The following CD46 variants were observed in gnomAD, a reference collection of about 807,000 sequenced individuals.
The protein encoded by CD46 is membrane cofactor protein.
In CD46, 30 loss-of-function variants were observed where a neutral mutation model predicts 53.3. That is an observed-to-expected ratio of 0.56 (90% CI 0.42 to 0.76). CD46 has a LOEUF of 0.76. Among genes scored for constraint, CD46 ranks in the 30% least tolerant of loss-of-function variants. The pLI, the probability that CD46 is intolerant of heterozygous loss-of-function variation, is 0.00. For missense variants in CD46, 409 were observed against 463.0 expected (o/e 0.88, Z 1.07); for synonymous variants, 142 against 152.0 (o/e 0.93, Z 0.48).
intron 8 of CD46, among the ~76,000 whole-genome samples, chr1:207,774,108 T>G (rs1325608365): frequency 6.6e-6 from 1 of 152,240 alleles, no homozygotes; most frequent in Non-Finnish European, 1.5e-5. Flanking sequence ...TAGCTCTTCT[T>G]GGTGAATTGA....
At position 207,757,686 on chromosome 1, in the gene CD46, T is replaced by A. The variant is rs374745930; in HGVS notation, c.389+44T>A. 24 of 1,266,196 alleles carry A rather than the reference T, an allele frequency of 1.9e-5. No individual in the cohort carries two copies. In the African/African-American group the frequency reaches 3.5e-4, roughly 19 times the overall value. 78.4% of individuals were successfully genotyped at this position (1,266,196 alleles called of 1,614,324 possible). On this transcript the variant is annotated intron_variant, in intron 3 of 12. Coordinates refer to ENST00000367042, the MANE Select transcript of CD46 (RefSeq NM_172351.3). ...GAAATAAGGGAAGTGTTAGTAATTT[T>A]ATTTTTGTTTTGCTTCTCTTCTTAA...
intron 5 of CD46, 79 bp from the exon 6 acceptor site, chr1:207,766,934 C>CTTTGT: frequency 1.8e-6 from 2 of 1,128,372 alleles, no homozygotes; most frequent in Non-Finnish European, 2.7e-6. Flanking sequence ...TCTCTGTTCA[C>CTTTGT]ACTGGAAATT....
chr1:207,761,129 AT>A (rs1656148269), intron 4 of CD46, 119 bp from the exon 5 acceptor site: 1 of 645,618 alleles, frequency 1.5e-6, no homozygotes, highest in East Asian at 2.7e-5. Flanking sequence ...TTAAATCCAT[AT>A]TGAATTCACA....
At position 207,772,427 on chromosome 1, in the gene CD46, T is replaced by C. The variant is rs188718896; in HGVS notation, c.943+2065T>C. Among the ~76,000 whole-genome samples, 490 of 152,310 alleles carry C rather than the reference T, an allele frequency of 3.2e-3. 3 individuals are homozygous for C. The highest frequency in any genetic ancestry group is 0.011 in the African/African-American group (468 of 41,562). ...TTGCCTGATCACCCTGGCCAGAACTTCCAACACTACGTTGAATAGGAGTGG... is the reference window on the plus strand; with the variant it reads ...TTGCCTGATCACCCTGGCCAGAACTCCCAACACTACGTTGAATAGGAGTGG... On this transcript the variant is annotated intron_variant, in intron 8 of 12. Coordinates refer to ENST00000367042, the MANE Select transcript of CD46 (RefSeq NM_172351.3).
chr1:207,766,501 GGA>G (rs1277884522), intron 5 of CD46, among the ~76,000 whole-genome samples: 2 of 152,024 alleles, frequency 1.3e-5, no homozygotes, highest in East Asian at 3.9e-4. Flanking sequence ...CAGAAAGACA[GGA>G]GAGAGAATGG....
intron 8 of CD46, among the ~76,000 whole-genome samples, chr1:207,771,882 T>G (rs1197303379): frequency 6.6e-6 from 1 of 152,222 alleles, no homozygotes; most frequent in African/African-American, 2.4e-5. Flanking sequence ...CTATATGGAC[T>G]CTTTTTTGGT....
At chr1:207,778,808 C>G (rs1658407406) in intron 8 of CD46, among the ~76,000 whole-genome samples, 1 of 152,100 alleles carries the variant, frequency 6.6e-6, no homozygotes, top group South Asian at 2.1e-4. Context: ...ATAGTTTTTT[C>G]TAGTTCTGTG....
chr1:207,767,909 G>A (rs1238940634), intron 7 of CD46, 86 bp downstream of exon 7: 3 of 1,108,252 alleles, frequency 2.7e-6, no homozygotes, highest in African/African-American at 3.1e-5. Context: ...TTCTGGTGAT[G>A]TTCACTTATT....
intron 1 of CD46, among the ~76,000 whole-genome samples, chr1:207,753,886 G>C (rs41316817): frequency 0.044 from 6,646 of 152,144 alleles, 199 homozygotes; most frequent in Non-Finnish European, 0.069. Flanking sequence ...TTCATTCAAC[G>C]AATATGGGTC....
At chr1:207,792,372 C>A (rs748006922) in intron 12 of CD46, among the ~76,000 whole-genome samples, 2 of 152,120 alleles carry the variant, frequency 1.3e-5, no homozygotes, top group East Asian at 1.9e-4. Flanking sequence ...TCACAACAGT[C>A]CTTAGGGAAC....
chr1:207,770,166 T>C, intron 7 of CD46, 155 bp from the exon 8 acceptor site: 2 of 652,644 alleles, frequency 3.1e-6, no homozygotes, highest in East Asian at 2.8e-5. Context: ...TGTGCAAATA[T>C]ATATGTAGGT....
rs746704400 is a variant in CD46 at position 207,757,086 on chromosome 1, G to C, written c.170G>C (p.Gly57Ala). Residue 57 changes from glycine to alanine, a missense_variant, in exon 2 of 13, where the codon GGT (glycine) becomes GCT (alanine). Coordinates refer to ENST00000367042, the MANE Select transcript of CD46 (RefSeq NM_172351.3). ...AAACCAAAACCCTACTATGAGATTG[G>C]TGAACGAGTAGATTATAAGTGTAAA... ...IGKPKPYYEI[G>A]ERVDYKCKKG... The C allele has an allele frequency of 6.2e-7, 1 of 1,614,044 alleles. No individual in the cohort carries two copies. Among genetic ancestry groups the C allele is most frequent in the South Asian group, 1.1e-5 (1 of 91,084 alleles).
chr1:207,786,357 A>C (rs1659270109), intron 11 of CD46, among the ~76,000 whole-genome samples: 1 of 152,182 alleles, frequency 6.6e-6, no homozygotes, highest in Admixed American at 6.5e-5. Flanking sequence ...TTAATATATA[A>C]AAATGTAAAA....
intron 1 of CD46, among the ~76,000 whole-genome samples, chr1:207,756,530 A>G (rs1186079279): frequency 6.6e-6 from 1 of 152,220 alleles, no homozygotes; most frequent in Non-Finnish European, 1.5e-5. Context: ...CAAGGTGAGT[A>G]TAGTAGAAAA....
intron 5 of CD46, 21 bp from the exon 6 acceptor site, chr1:207,766,992 G>T: frequency 6.2e-7 from 1 of 1,600,594 alleles, no homozygotes; most frequent in South Asian, 1.1e-5. Context: ...CATTAATTCT[G>T]AGGTTTCTCT....
At chr1:207,753,778 C>G in intron 1 of CD46, among the ~76,000 whole-genome samples, 1 of 152,068 alleles carries the variant, frequency 6.6e-6, no homozygotes, top group East Asian at 1.9e-4. Context: ...ATATTTGTTT[C>G]TGCCTTCATG....
chr1:207,754,982 G>A (rs942035489), intron 1 of CD46, among the ~76,000 whole-genome samples: 4 of 150,652 alleles, frequency 2.7e-5, no homozygotes, highest in African/African-American at 7.3e-5. Flanking sequence ...TTAGCCAGGT[G>A]TGATGTTGCA....
chr1:207,776,321 G>A (rs1658095866), intron 8 of CD46, among the ~76,000 whole-genome samples: 1 of 152,220 alleles, frequency 6.6e-6, no homozygotes, highest in African/African-American at 2.4e-5. Flanking sequence ...CCAAGTCCTT[G>A]CGCTTCCGGG....
chr1:207,781,006 A>G (rs1445901347), intron 8 of CD46, among the ~76,000 whole-genome samples: 1 of 151,668 alleles, frequency 6.6e-6, no homozygotes, highest in Non-Finnish European at 1.5e-5. Context: ...CAATAACGAC[A>G]TTAGTCCATT....
Sources: allele counts gnomAD v4.1 joint callset (sites outside exome capture counted in the v4.1 genomes callset), GRCh38; gene constraint gnomAD v4.1.1; transcripts MANE v1.5; gene names NCBI Gene and HGNC (gene_info 2026-07-23, HGNC 2026-07-21).